TIMM23: variants seen among roughly 807,000 people sequenced by gnomAD.
TIMM23 encodes mitochondrial import inner membrane translocase subunit Tim23.
A neutral mutation model predicts 30.7 loss-of-function variants in TIMM23; 19 were observed. That is an observed-to-expected ratio of 0.62 (90% CI 0.43 to 0.91). The LOEUF is 0.91. TIMM23 is among the 40% of genes least tolerant of loss of function. The pLI, the probability that TIMM23 is intolerant of heterozygous loss-of-function variation, is 0.00. For synonymous variants in TIMM23, 78 were observed against 98.5 expected, an observed-to-expected ratio of 0.79 and a Z score of 1.23; for missense variants, 202 against 269.2, an observed-to-expected ratio of 0.75 and a Z score of 1.75.
At chr10:45,974,598 C>G (rs1167105579) in intron 1 of TIMM23, among the ~76,000 whole-genome samples, 93 of 152,280 alleles carry the variant, frequency 6.1e-4, no homozygotes, top group African/African-American at 1.9e-3. Context: ...TTTCGATTTT[C>G]TTAAGACAAA....
chr10:45,985,364 T>C lies in TIMM23; in HGVS notation c.345-19T>C, dbSNP rs1356810818. The C allele has an allele frequency of 1.2e-6, 2 of 1,613,060 alleles. No homozygotes were observed. Among genetic ancestry groups the C allele is most frequent in the Non-Finnish European group, 1.7e-6 (2 of 1,179,282 alleles). On this transcript the variant is annotated intron_variant, in intron 4 of 6. Transcript: ENST00000580018. Reference sequence around the variant, plus strand: ...ATAATGATTCTAAATACAGATTCTTTCTCTTTCTGCCCTGATAGGATTTTG... The same window carrying C: ...ATAATGATTCTAAATACAGATTCTTCCTCTTTCTGCCCTGATAGGATTTTG...
rs1315754750 is a variant in TIMM23 at position 45,988,999 on chromosome 10, T to TA, written c.514+156dup. 4.3e-3 allele frequency: 3,623 copies of TA among 833,594 alleles called. 107 individuals carry two copies. The African/African-American group carries it at 0.056, about 13-fold the overall frequency. The allele number at this position is 833,594 out of a possible 1,614,324, so 51.6% of individuals were successfully genotyped here. On this transcript the variant is annotated intron_variant, in intron 6 of 6. Transcript: ENST00000580018. ...GGTTTGGTTTGGTTTTTAATTGTGG[T>TA]AAAATAAACATAAGATTTACCCATC...
rs1429601565 is a variant in TIMM23, at chr10:45,985,289, G to T, written c.345-94G>T. 2.0e-6 allele frequency: 3 copies of T among 1,472,876 alleles called. No individual in the cohort carries two copies. The African/African-American group carries it at 4.2e-5, about 21-fold the overall frequency. 91.2% of individuals were successfully genotyped at this position (1,472,876 alleles called of 1,614,324 possible). On this transcript the variant is annotated intron_variant, in intron 4 of 6. Coordinates refer to ENST00000580018, the MANE Select transcript of TIMM23 (RefSeq NM_006327.4). ...AGAATTTAAAAAACTTTGCGCCCTG[G>T]GTCTAGACATGTTAAATAGCCATTA... is the stretch of plus-strand genomic sequence containing the variant.
chr10:45,999,485 A>G (rs953855113), intron 6 of TIMM23, among the ~76,000 whole-genome samples: 34 of 152,160 alleles, frequency 2.2e-4, no homozygotes, highest in Non-Finnish European at 4.4e-4. Context: ...AGGTTCCATG[A>G]TGCCCCACAA....
In TIMM23 at chr10:45,993,244, C is replaced by CTT. The variant is rs782013689; in HGVS notation, c.514+4413_514+4414dup. On this transcript the variant is annotated intron_variant, in intron 6 of 6. Coordinates refer to ENST00000580018, the MANE Select transcript of TIMM23 (RefSeq NM_006327.4). The stretch of plus-strand genomic sequence containing the variant: ...TTGCCAGTGTGAGCATCTACCATCA[C>CTT]TTTTTTTTTTTTTTTTTGGAGACTG... Among the ~76,000 whole-genome samples the CTT allele has an allele frequency of 6.9e-3, 494 of 71,992 alleles. 67 individuals carry two copies. Among genetic ancestry groups the CTT allele is most frequent in the African/African-American group, 0.018 (272 of 14,732 alleles). 47.2% of individuals were successfully genotyped at this position (71,992 alleles called of 152,430 possible).
At chr10:45,993,769 C>T (rs1405816614) in intron 6 of TIMM23, among the ~76,000 whole-genome samples, 6 of 151,918 alleles carry the variant, frequency 3.9e-5, no homozygotes, top group Non-Finnish European at 8.8e-5. Flanking sequence ...TAATGAAATG[C>T]CGGGTGCAGT....
At chr10:45,981,995 T>C (rs1837865668) in intron 2 of TIMM23, among the ~76,000 whole-genome samples, 1 of 152,164 alleles carries the variant, frequency 6.6e-6, no homozygotes, top group South Asian at 2.1e-4. Context: ...GTCTATAGCT[T>C]TCTGAGAGTA....
intron 2 of TIMM23, among the ~76,000 whole-genome samples, chr10:45,978,057 AGAAT>A (rs1837730705): frequency 6.6e-6 from 1 of 152,102 alleles, no homozygotes; most frequent in Admixed American, 6.5e-5. Context: ...AAATAAATAA[AGAAT>A]GGAAAAAGTC....
intron 6 of TIMM23, among the ~76,000 whole-genome samples, chr10:46,001,070 T>G (rs1264607755): frequency 6.6e-6 from 1 of 152,244 alleles, no homozygotes; most frequent in African/African-American, 2.4e-5. Flanking sequence ...TTTTCCACAT[T>G]AGGAATTTGG....
At chr10:45,979,252 T>C (rs1837768455) in intron 2 of TIMM23, among the ~76,000 whole-genome samples, 1 of 152,220 alleles carries the variant, frequency 6.6e-6, no homozygotes, top group Admixed American at 6.5e-5. Flanking sequence ...TTGTACGCTC[T>C]AAGTAAGTGG....
At chr10:45,990,637 G>C (rs1301962497) in intron 6 of TIMM23, 1 of 411,332 alleles carries the variant, frequency 2.4e-6, no homozygotes, top group African/African-American at 2.1e-5. Context: ...TGCCCAAGCT[G>C]GTCTTGAACT....
intron 6 of TIMM23, among the ~76,000 whole-genome samples, chr10:45,989,458 TTC>T (rs1838093004): frequency 6.6e-6 from 1 of 152,238 alleles, no homozygotes; most frequent in African/African-American, 2.4e-5. Flanking sequence ...CAAATATCTC[TTC>T]AAGGTCCTTC....
rs1838264395 is a variant in TIMM23, at chr10:45,994,384, C to G, written c.514+5537C>G. Among the ~76,000 whole-genome samples the G allele has an allele frequency of 2.7e-5, 4 of 145,502 alleles. 1 individual carries two copies. The East Asian group carries it at 8.0e-4, about 29-fold the overall frequency. On this transcript the variant is annotated intron_variant, in intron 6 of 6. Coordinates refer to ENST00000580018, the MANE Select transcript of TIMM23 (RefSeq NM_006327.4). ...AAATAAATGAATAAAATAAATTACTCTCTATCTGACAGCTGCTAGTTTTTC... is the reference window on the plus strand; with the variant it reads ...AAATAAATGAATAAAATAAATTACTGTCTATCTGACAGCTGCTAGTTTTTC...
intron 6 of TIMM23, among the ~76,000 whole-genome samples, chr10:45,991,800 G>T (rs1291013326): frequency 6.6e-6 from 1 of 151,852 alleles, no homozygotes; most frequent in African/African-American, 2.4e-5. Flanking sequence ...TGGATTACTA[G>T]AAGACTGTTT....
intron 5 of TIMM23, among the ~76,000 whole-genome samples, chr10:45,986,439 T>TG (rs1391532290): frequency 1.6e-4 from 15 of 93,142 alleles, no homozygotes; most frequent in African/African-American, 5.9e-4. Flanking sequence ...CCCACAGTCC[T>TG]GGACAAACTA....
At chr10:45,993,115 G>A (rs1838216083) in intron 6 of TIMM23, among the ~76,000 whole-genome samples, 1 of 151,970 alleles carries the variant, frequency 6.6e-6, no homozygotes, top group Non-Finnish European at 1.5e-5. Flanking sequence ...ATACATTTTA[G>A]TTGTAGGATA....
chr10:45,991,001 A>C (rs1838148875), intron 6 of TIMM23, among the ~76,000 whole-genome samples: 1 of 152,202 alleles, frequency 6.6e-6, no homozygotes, highest in Non-Finnish European at 1.5e-5. Flanking sequence ...ACATGCTCAC[A>C]CAGCTCTGTC....
chr10:45,983,002 C>T lies in TIMM23; in HGVS notation c.344+72C>T. 5 of 1,587,182 alleles carry T rather than the reference C, an allele frequency of 3.2e-6. No homozygotes were observed. The South Asian group carries it at 5.6e-5, about 18-fold the overall frequency. ...CTCTGTTGTATTGGTTTGATGAGTA[C>T]AACCTTGAGATTACAGATGGTTAGC... On this transcript the variant is annotated intron_variant, in intron 4 of 6. Coordinates refer to ENST00000580018, the MANE Select transcript of TIMM23 (RefSeq NM_006327.4).
chr10:45,979,075 A>T (rs2132248202), intron 2 of TIMM23, among the ~76,000 whole-genome samples: 1 of 152,370 alleles, frequency 6.6e-6, no homozygotes, highest in African/African-American at 2.4e-5. Context: ...AATGTCCAGA[A>T]TAGGCAAATA....
Sources: allele counts gnomAD v4.1 joint callset (sites outside exome capture counted in the v4.1 genomes callset), GRCh38; gene constraint gnomAD v4.1.1; transcripts MANE v1.5; gene names NCBI Gene and HGNC (gene_info 2026-07-23, HGNC 2026-07-21).